The following EFCAB5 variants were observed in gnomAD, a reference collection of about 807,000 sequenced individuals.
The protein encoded by EFCAB5 is EF-hand calcium-binding domain-containing protein 5.
A neutral mutation model predicts 167.9 loss-of-function variants in EFCAB5; 131 were observed. The observed-to-expected ratio is 0.78, with a 90% CI of 0.68 to 0.90. The LOEUF is 0.90. Ranked by LOEUF, EFCAB5 falls within the 40% of genes least tolerant of loss-of-function variation. The pLI is 0.00. For synonymous variants in EFCAB5, 574 were observed against 602.8 expected, an observed-to-expected ratio of 0.95 and a Z score of 0.70; for missense variants, 1,663 against 1,745.2, an observed-to-expected ratio of 0.95 and a Z score of 0.84.
In EFCAB5 at chr17:30,069,086, G is replaced by A. The variant is rs1234698760; in HGVS notation, c.2738-9129G>A. 2.1e-6 allele frequency: 3 copies of A among 1,443,650 alleles called. No homozygotes were observed. In the African/African-American group the frequency reaches 4.2e-5, roughly 20 times the overall value. The allele number at this position is 1,443,650 out of a possible 1,614,324, so 89.4% of individuals were successfully genotyped here. A position where few individuals can be genotyped will look rare whatever the true frequency, so the allele number is the denominator to read the frequency against. ...GTGTGTAAACTTTACTCAGAACAAA[G>A]AGCCATCCGAGTTAAAAGAGTGGTG... On this transcript the variant is annotated intron_variant, in intron 14 of 22. Coordinates refer to ENST00000394835, the MANE Select transcript of EFCAB5 (RefSeq NM_198529.4).
intron 14 of EFCAB5, among the ~76,000 whole-genome samples, chr17:30,071,861 G>A (rs990329156): frequency 6.6e-6 from 1 of 152,130 alleles, no homozygotes; most frequent in African/African-American, 2.4e-5. Flanking sequence ...GATGAGCTTG[G>A]AGGGCATTGT....
chr17:30,075,337 C>A (rs1316169124), intron 14 of EFCAB5, among the ~76,000 whole-genome samples: 3 of 152,160 alleles, frequency 2.0e-5, no homozygotes, highest in African/African-American at 7.2e-5. Flanking sequence ...CAACAGATCA[C>A]CCCCTCCAAG....
chr17:30,092,130 C>T lies in EFCAB5; in HGVS notation c.4197C>T (p.Asp1399=). The T allele has an allele frequency of 1.2e-6, 2 of 1,613,242 alleles. No individual in the cohort carries two copies. The highest frequency in any genetic ancestry group is 3.3e-5 in the Admixed American group (2 of 59,968). The change falls in exon 21 of 23, where the codon GAC becomes GAT. Residue 1399 remains aspartate, a synonymous_variant. Coordinates refer to ENST00000394835, the MANE Select transcript of EFCAB5 (RefSeq NM_198529.4). ...ATCCAGAGTTGGAATTTTCAAGTGA[C>T]TTTGGAAGTTGGGATAAGTGTAAAT... ...FFHPELEFSS[D]FGSWDKCKFY...
chr17:29,943,515 T>C (rs1163325997), intron 2 of EFCAB5, 50 bp from the exon 3 acceptor site: 50 of 1,451,984 alleles, frequency 3.4e-5, no homozygotes, highest in Non-Finnish European at 4.7e-5. Flanking sequence ...TACAACTTTG[T>C]TGAAAATCAA....
Position 30,092,162 on chromosome 17 carries a change from GT to G in EFCAB5, c.4224+14del, listed in dbSNP as rs763062855. 1.4e-5 allele frequency: 23 copies of G among 1,593,346 alleles called. No homozygotes were observed. Among genetic ancestry groups the G allele is most frequent in the Middle Eastern group, 1.7e-4 (1 of 5,942 alleles). ...AGTTGGGATAAGTGTAAATTTGTAA[GT>G]TTTTTTTTAAAAAGCACCTTTTAAA... On this transcript the variant is annotated splice_donor_region_variant and intron_variant, in intron 21 of 22. Transcript: ENST00000394835.
chr17:29,957,689 A>G (rs986342652), intron 3 of EFCAB5, among the ~76,000 whole-genome samples: 1 of 152,232 alleles, frequency 6.6e-6, no homozygotes, highest in Non-Finnish European at 1.5e-5. Context: ...ATAGTATTCC[A>G]TAGTATATAT....
chr17:29,933,758 C>A (rs1171537445), intron 1 of EFCAB5, among the ~76,000 whole-genome samples: 1 of 152,138 alleles, frequency 6.6e-6, no homozygotes, highest in Non-Finnish European at 1.5e-5. Context: ...AAACTATTGA[C>A]CTTCTCTCCA....
At chr17:30,059,398 A>G in intron 13 of EFCAB5, 147 bp from the exon 14 acceptor site, 2 of 778,630 alleles carry the variant, frequency 2.6e-6, no homozygotes, top group South Asian at 3.5e-5. Flanking sequence ...CTGCTGAATC[A>G]CTGCATTTTC....
chr17:29,946,175 T>C (rs530386063), intron 3 of EFCAB5, among the ~76,000 whole-genome samples: 1 of 152,158 alleles, frequency 6.6e-6, no homozygotes, highest in Non-Finnish European at 1.5e-5. Flanking sequence ...GCAAATGACA[T>C]GAACAGACAT....
At chr17:30,061,369 C>T (rs1316030158) in intron 14 of EFCAB5, among the ~76,000 whole-genome samples, 1 of 152,190 alleles carries the variant, frequency 6.6e-6, no homozygotes, top group Non-Finnish European at 1.5e-5. Context: ...TTGCCAATAA[C>T]CGATTGGCAA....
At chr17:29,967,666 T>A (rs768793351) in intron 3 of EFCAB5, among the ~76,000 whole-genome samples, 3 of 152,192 alleles carry the variant, frequency 2.0e-5, no homozygotes, top group Non-Finnish European at 4.4e-5. Flanking sequence ...GCGCATTTTT[T>A]AAATTTTAAA....
intron 18 of EFCAB5, among the ~76,000 whole-genome samples, chr17:30,084,382 A>C (rs2071046145): frequency 6.6e-6 from 1 of 152,202 alleles, no homozygotes. Flanking sequence ...CCTTAAGAGA[A>C]ACAACACATA....
rs759917067 is a variant in EFCAB5 at position 30,108,112 on chromosome 17, GA to G, written c.*91del. 3.1e-5 allele frequency: 44 copies of G among 1,405,910 alleles called. No homozygotes were observed. The highest frequency in any genetic ancestry group is 3.9e-5 in the Non-Finnish European group (41 of 1,039,872). The allele number at this position is 1,405,910 out of a possible 1,614,324, so 87.1% of individuals were successfully genotyped here. On this transcript the variant is annotated 3_prime_UTR_variant, in exon 23 of 23. Coordinates refer to ENST00000394835, the MANE Select transcript of EFCAB5 (RefSeq NM_198529.4). ...GTTAACTATAAAATATTTTCCATTG[GA>G]AAGGGGTACCTATAAATGTCTTCTG...
intron 14 of EFCAB5, among the ~76,000 whole-genome samples, chr17:30,070,711 A>AG: frequency 6.6e-6 from 1 of 152,262 alleles, no homozygotes; most frequent in South Asian, 2.1e-4. Context: ...GCACTTTGGG[A>AG]GGCTGAGGCA....
At chr17:29,938,827 C>T (rs1434061067), upstream of EFCAB5, among the ~76,000 whole-genome samples, 1 of 152,194 alleles carries the variant, frequency 6.6e-6, no homozygotes, top group Non-Finnish European at 1.5e-5. Context: ...TCTGCAGTTA[C>T]TTCCTCCACT....
intron 22 of EFCAB5, among the ~76,000 whole-genome samples, chr17:30,094,902 G>C (rs1287151971): frequency 6.6e-6 from 1 of 152,130 alleles, no homozygotes; most frequent in Non-Finnish European, 1.5e-5. Flanking sequence ...AGACAGCTGT[G>C]TTTGCAGTAG....
At chr17:30,085,599 T>C (rs2071072564) in intron 18 of EFCAB5, among the ~76,000 whole-genome samples, 1 of 151,898 alleles carries the variant, frequency 6.6e-6, no homozygotes, top group Admixed American at 6.6e-5. Context: ...CGGGCGCCTG[T>C]CCCAGCTTCT....
chr17:30,096,677 A>ATATATATATT (rs1193558323), intron 22 of EFCAB5, among the ~76,000 whole-genome samples: 10 of 60,126 alleles, frequency 1.7e-4, no homozygotes, highest in African/African-American at 8.4e-4. Context: ...ATATATATAT[A>ATATATATATT]TTTTTTTTTT....
At chr17:29,987,969 T>C (rs2068324926) in intron 4 of EFCAB5, among the ~76,000 whole-genome samples, 2 of 152,192 alleles carry the variant, frequency 1.3e-5, no homozygotes, top group Non-Finnish European at 1.5e-5. Context: ...CCAAAGAGAA[T>C]TAGGTTCCAA....
Sources: gnomAD v4.1 joint callset for allele counts (sites outside exome capture counted in the v4.1 genomes callset) on GRCh38, gnomAD v4.1.1 for gene constraint, MANE v1.5 for transcripts, NCBI Gene and HGNC (gene_info 2026-07-23, HGNC 2026-07-21) for gene names.